The following MAPT variants were observed in gnomAD, a reference collection of about 807,000 sequenced individuals.
MAPT encodes the protein microtubule associated protein tau, also known as microtubule-associated protein tau.
A neutral mutation model predicts 67.9 loss-of-function variants in MAPT; 34 were observed. That is an observed-to-expected ratio of 0.50 (90% confidence interval 0.38 to 0.67). The LOEUF (loss-of-function observed/expected upper bound fraction) is 0.67. Ranked by LOEUF, MAPT falls within the 30% of genes least tolerant of loss-of-function variation. The probability of loss-of-function intolerance (pLI) is 0.00; values close to 1 mark genes in which losing one functional copy is unlikely to be tolerated. For synonymous variants in MAPT, 456 were observed against 464.5 expected (o/e 0.98, Z 0.23); for missense variants, 881 against 1,115.2 (o/e 0.79, Z 2.99).
At chr17:45,917,867 G>A (rs1046971675) in intron 1 of MAPT, among the ~76,000 whole-genome samples, 4 of 151,530 alleles carry the variant, frequency 2.6e-5, no homozygotes, top group Admixed American at 6.6e-5. Context: ...TCCGCCTCCC[G>A]GGTTCAAGCG....
intron 1 of MAPT, among the ~76,000 whole-genome samples, chr17:45,928,196 T>C (rs923892524): frequency 5.9e-5 from 9 of 152,286 alleles, no homozygotes; most frequent in African/African-American, 2.2e-4. Context: ...GCTTCACACA[T>C]CTGGCACCAC....
rs145640471 is a variant in MAPT, at chr17:45,983,487, C to G, written c.908C>G (p.Ser303Cys). 23 of 1,610,870 alleles carry G rather than the reference C, an allele frequency of 1.4e-5. No individual in the cohort carries two copies. In the African/African-American group the frequency reaches 2.7e-4, roughly 19 times the overall value. Residue 303 changes from serine (S) to cysteine (C), a missense_variant, in exon 5 of 13, where the codon TCC (serine) becomes TGC (cysteine). Coordinates refer to ENST00000262410, the MANE Select transcript of MAPT (RefSeq NM_001377265.1). ...GAAGACCGCGACGTCGATGAGTCCT[C>G]CCCCCAAGACTCCCCTCCCTCCAAG... ...VDEDRDVDES[S>C]PQDSPPSKAS...
intron 1 of MAPT, among the ~76,000 whole-genome samples, chr17:45,943,796 C>T (rs907663984): frequency 6.6e-6 from 1 of 152,192 alleles, no homozygotes; most frequent in African/African-American, 2.4e-5. Flanking sequence ...GTGTGGGTTC[C>T]AGCGCTGGAA....
intron 1 of MAPT, among the ~76,000 whole-genome samples, chr17:45,908,791 C>G (rs1032125069): frequency 1.3e-5 from 2 of 152,148 alleles, no homozygotes; most frequent in African/African-American, 4.8e-5. Context: ...GTCTTGCCTC[C>G]CACGTTCTCC....
intron 1 of MAPT, among the ~76,000 whole-genome samples, chr17:45,949,429 A>G (rs1402018580): frequency 6.6e-6 from 1 of 152,216 alleles, no homozygotes; most frequent in Non-Finnish European, 1.5e-5. Flanking sequence ...AATGAACGTC[A>G]GCTCCCCTTT....
chr17:45,981,852 A>G (rs142627426), intron 4 of MAPT, among the ~76,000 whole-genome samples: 99 of 152,054 alleles, frequency 6.5e-4, no homozygotes, highest in African/African-American at 2.2e-3. Context: ...CCGTCTCCAC[A>G]AAAATGAAAA....
intron 1 of MAPT, among the ~76,000 whole-genome samples, chr17:45,951,484 C>T (rs549842048): frequency 2.6e-5 from 4 of 152,208 alleles, no homozygotes; most frequent in East Asian, 1.9e-4. Context: ...CGCCCTCCGA[C>T]GTCTTCTTCT....
intron 1 of MAPT, among the ~76,000 whole-genome samples, chr17:45,924,763 C>T (rs1568174551): frequency 6.6e-6 from 1 of 152,226 alleles, no homozygotes; most frequent in East Asian, 1.9e-4. Context: ...CGCTGCAAAC[C>T]GCTGAGGTAG....
rs964606160 is a variant in MAPT at position 46,026,497 on chromosome 17, A to C, written c.*2326A>C. 1 of 152,186 alleles carries C rather than the reference A, an allele frequency of 6.6e-6. No individual in the cohort carries two copies. The highest frequency in any genetic ancestry group is 1.5e-5 in the Non-Finnish European group (1 of 68,068). 9.4% of individuals were successfully genotyped at this position (152,186 alleles called of 1,614,324 possible). A position where few individuals can be genotyped will look rare whatever the true frequency, so the allele number is the denominator to read the frequency against. Reference sequence around the variant, plus strand: ...GGAGGCTTACAACTCCTGCATCACAAGAAAAAGGAAGCCACTGCCAGCTGG... The same window carrying C: ...GGAGGCTTACAACTCCTGCATCACACGAAAAAGGAAGCCACTGCCAGCTGG... On this transcript the variant is annotated 3_prime_UTR_variant, in exon 13 of 13. Coordinates refer to ENST00000262410, the MANE Select transcript of MAPT (RefSeq NM_001377265.1).
chr17:45,899,431 C>T, intron 1 of MAPT, among the ~76,000 whole-genome samples: 1 of 152,166 alleles, frequency 6.6e-6, no homozygotes, highest in Non-Finnish European at 1.5e-5. Context: ...CTCATTTAAT[C>T]CTCACAACAC....
At chr17:45,953,505 T>C (rs1333561889) in intron 1 of MAPT, among the ~76,000 whole-genome samples, 1 of 152,224 alleles carries the variant, frequency 6.6e-6, no homozygotes, top group African/African-American at 2.4e-5. Flanking sequence ...TGCTTAGAGA[T>C]TCTTCCCATG....
chr17:45,906,833 A>G lies in MAPT; in HGVS notation c.-18+12147A>G, dbSNP rs1218394949. The stretch of plus-strand genomic sequence containing the variant: ...GAGCCTTAAGCTCTTCTCCCTCCAC[A>G]TCCTGGAACAGACCCGCCAGTTTCT... On this transcript the variant is annotated intron_variant, in intron 1 of 12. Coordinates refer to ENST00000262410, the MANE Select transcript of MAPT (RefSeq NM_001377265.1). The surrounding 1 kb of genome is among the most constrained non-coding windows in gnomAD (Gnocchi z 4.3). Among the ~76,000 whole-genome samples, 2 of 152,096 alleles carry G rather than the reference A, an allele frequency of 1.3e-5. No individual in the cohort carries two copies. The highest frequency in any genetic ancestry group is 2.1e-4 in the South Asian group (1 of 4,812).
At chr17:45,904,321 A>AATATATATTATATATTATATATATATT (rs1262502214) in intron 1 of MAPT, among the ~76,000 whole-genome samples, 6 of 32,642 alleles carry the variant, frequency 1.8e-4, no homozygotes, top group Non-Finnish European at 4.4e-4. Context: ...AAACATATAT[A>AATATATATTATATATTATATATATATT]ATATATATTA....
intron 2 of MAPT, among the ~76,000 whole-genome samples, chr17:45,968,208 AC>A (rs112893615): frequency 0.15 from 21,742 of 149,144 alleles, 2,070 homozygotes; most frequent in Non-Finnish European, 0.22. Flanking sequence ...ACAAAAAACA[AC>A]AAAAAAAAAC....
intron 1 of MAPT, among the ~76,000 whole-genome samples, chr17:45,945,006 T>C (rs2144993697): frequency 6.6e-6 from 1 of 152,330 alleles, no homozygotes; most frequent in Admixed American, 6.5e-5. Context: ...TCAGCCTCTC[T>C]TTGCCTTGGT....
chr17:45,941,671 C>CA (rs1330316327), intron 1 of MAPT, among the ~76,000 whole-genome samples: 7 of 110,008 alleles, frequency 6.4e-5, no homozygotes, highest in Middle Eastern at 4.5e-3. Context: ...TCCCCCCTTC[C>CA]CCCCTTCCCT....
At chr17:45,972,388 G>A (rs1412921849) in intron 3 of MAPT, among the ~76,000 whole-genome samples, 3 of 152,156 alleles carry the variant, frequency 2.0e-5, no homozygotes, top group Non-Finnish European at 2.9e-5. Context: ...CTGGACTTTG[G>A]CCACGGTGTT....
At chr17:45,937,382 G>A (rs1258486267) in intron 1 of MAPT, among the ~76,000 whole-genome samples, 1 of 152,144 alleles carries the variant, frequency 6.6e-6, no homozygotes, top group Non-Finnish European at 1.5e-5. Flanking sequence ...GAGGTCAGGA[G>A]TTTGAGACCA....
chr17:45,904,329 T>TTA (rs2064108885), intron 1 of MAPT, among the ~76,000 whole-genome samples: 7 of 62,232 alleles, frequency 1.1e-4, no homozygotes, highest in Admixed American at 2.9e-4. Context: ...ATAATATATA[T>TTA]TATATATTAT....
Sources: allele counts gnomAD v4.1 joint callset (sites outside exome capture counted in the v4.1 genomes callset), GRCh38; gene constraint gnomAD v4.1.1; non-coding constraint Gnocchi (gnomAD v3.1); transcripts MANE v1.5; gene names NCBI Gene and HGNC (gene_info 2026-07-23, HGNC 2026-07-21).